HYDIN: variants seen among roughly 807,000 people sequenced by gnomAD.
The protein encoded by HYDIN is HYDIN axonemal central pair apparatus protein.
HYDIN carries 132 observed loss-of-function variants against 403.9 expected under a neutral mutation model. That is an observed-to-expected ratio of 0.33 (90% confidence interval 0.28 to 0.38). HYDIN has a LOEUF of 0.38. Ranked by LOEUF, HYDIN falls within the 10% of genes least tolerant of loss-of-function variation. The probability of loss-of-function intolerance (pLI) is 1.00; values close to 1 mark genes in which losing one functional copy is unlikely to be tolerated. For missense variants in HYDIN, 2,827 were observed against 5,009.5 expected, an observed-to-expected ratio of 0.56 and a Z score of 13.15; for synonymous variants, 1,202 against 1,891.7, an observed-to-expected ratio of 0.64 and a Z score of 9.46.
At chr16:70,853,892 CTTTT>C (rs140632293) in intron 73 of HYDIN, among the ~76,000 whole-genome samples, 4 of 120,942 alleles carry the variant, frequency 3.3e-5, no homozygotes, top group Non-Finnish European at 3.3e-5. Context: ...TTCTTTCTTT[CTTTT>C]TTTTTTTTTT....
At chr16:70,951,640 T>C (rs989382463) in intron 41 of HYDIN, among the ~76,000 whole-genome samples, 8 of 152,150 alleles carry the variant, frequency 5.3e-5, no homozygotes, top group Admixed American at 6.6e-5. Context: ...CTGCCCTTCT[T>C]ACTACCTCCC....
At chr16:71,064,499 C>T (rs145763712) in intron 16 of HYDIN, among the ~76,000 whole-genome samples, 2 of 152,252 alleles carry the variant, frequency 1.3e-5, no homozygotes, top group South Asian at 2.1e-4. Flanking sequence ...AAATTAACAA[C>T]GATTTACACC....
chr16:71,158,523 C>T (rs1446576430), intron 6 of HYDIN, among the ~76,000 whole-genome samples: 1 of 149,216 alleles, frequency 6.7e-6, no homozygotes, highest in Non-Finnish European at 1.5e-5. Flanking sequence ...TTTTCAAATT[C>T]AGCCAAACAG....
intron 50 of HYDIN, among the ~76,000 whole-genome samples, chr16:70,904,519 T>TTTTTTTGG (rs2076478650): frequency 1.9e-5 from 1 of 52,732 alleles, no homozygotes; most frequent in African/African-American, 9.4e-5. Flanking sequence ...TTTTTTTTTT[T>TTTTTTTGG]GAGGGAGTTT....
intron 2 of HYDIN, among the ~76,000 whole-genome samples, chr16:71,185,381 TTGAAA>T (rs1156774785): frequency 6.6e-6 from 1 of 152,162 alleles, no homozygotes; most frequent in Non-Finnish European, 1.5e-5. Context: ...AACCAGGAGT[TTGAAA>T]TACCTCTATT....
intron 18 of HYDIN, among the ~76,000 whole-genome samples, chr16:71,039,431 C>A (rs1173857602): frequency 6.6e-6 from 1 of 152,134 alleles, no homozygotes; most frequent in Non-Finnish European, 1.5e-5. Flanking sequence ...CCTGGCGAAA[C>A]CCTACCTTTA....
chr16:71,145,405 C>T (rs1420752523), intron 7 of HYDIN, among the ~76,000 whole-genome samples: 1 of 152,168 alleles, frequency 6.6e-6, no homozygotes. Flanking sequence ...CAGGCACACG[C>T]CATCACACCC....
At chr16:70,925,467 G>A (rs1263334907) in intron 45 of HYDIN, among the ~76,000 whole-genome samples, 5 of 152,198 alleles carry the variant, frequency 3.3e-5, no homozygotes, top group Admixed American at 6.5e-5. Flanking sequence ...ATTCAAGATG[G>A]ATTAAAGACT....
chr16:70,983,720 T>A (rs2079104583), intron 28 of HYDIN, among the ~76,000 whole-genome samples: 1 of 144,416 alleles, frequency 6.9e-6, no homozygotes, highest in Non-Finnish European at 1.5e-5. Flanking sequence ...TATTATCTGA[T>A]CGTGATTCAA....
chr16:71,059,637 A>G (rs1232303836), intron 18 of HYDIN, among the ~76,000 whole-genome samples: 2 of 152,130 alleles, frequency 1.3e-5, no homozygotes, highest in Non-Finnish European at 2.9e-5. Context: ...TTGAGGGTGA[A>G]GGATGGGAGG....
At chr16:70,848,434 AAAT>A (rs1264421539) in intron 75 of HYDIN, among the ~76,000 whole-genome samples, 1 of 151,848 alleles carries the variant, frequency 6.6e-6, no homozygotes, top group African/African-American at 2.4e-5. Flanking sequence ...TGGAGATTTA[AAAT>A]AATAAATGTG....
chr16:71,078,651 C>T (rs1205374893), intron 13 of HYDIN, among the ~76,000 whole-genome samples: 1 of 152,082 alleles, frequency 6.6e-6, no homozygotes, highest in Non-Finnish European at 1.5e-5. Flanking sequence ...GCGACAGGTA[C>T]GTACCACTAC....
intron 23 of HYDIN, among the ~76,000 whole-genome samples, chr16:71,010,435 T>C (rs1333882997): frequency 4.6e-5 from 7 of 152,056 alleles, no homozygotes; most frequent in East Asian, 1.9e-4. Context: ...CTCAGACTGA[T>C]TGTGGGAGAA....
chr16:71,148,551 C>T (rs1462433697), intron 7 of HYDIN, among the ~76,000 whole-genome samples: 4 of 152,132 alleles, frequency 2.6e-5, no homozygotes, highest in Non-Finnish European at 2.9e-5. Context: ...CAAAACTTAA[C>T]TGTAGTTTAA....
rs549408987 is a variant in HYDIN, at chr16:70,959,924, T to G, written c.5969-104A>C. 4.6e-4 allele frequency: 264 copies of G among 576,334 alleles called. 4 individuals carry two copies. In the South Asian group the frequency reaches 6.0e-3, roughly 13 times the overall value. 35.7% of individuals were successfully genotyped at this position (576,334 alleles called of 1,614,324 possible). On this transcript the variant is annotated intron_variant, in intron 38 of 85. Coordinates refer to ENST00000393567, the MANE Select transcript of HYDIN (RefSeq NM_001270974.2). ...ATGGGAATGGATATTTCTTTTTAAATGCTGTTTTTTTTAAATGGCAAATAT... is the reference window on the plus strand; with the variant it reads ...ATGGGAATGGATATTTCTTTTTAAAGGCTGTTTTTTTTAAATGGCAAATAT...
chr16:71,007,963 G>A lies in HYDIN; in HGVS notation c.3644+10166C>T, dbSNP rs2144091376. The stretch of plus-strand genomic sequence containing the variant: ...AAAATGTGGTACATAAACACCATGA[G>A]TACTATGCAGCCATAAATCATACAG... On this transcript the variant is annotated intron_variant, in intron 23 of 85. Transcript: ENST00000393567. Among the ~76,000 whole-genome samples, 3 of 149,480 alleles carry A rather than the reference G, an allele frequency of 2.0e-5. 1 individual carries two copies. The highest frequency in any genetic ancestry group is 7.4e-5 in the African/African-American group (3 of 40,332).
At chr16:70,841,876 T>C (rs2037851195) in intron 75 of HYDIN, among the ~76,000 whole-genome samples, 1 of 150,184 alleles carries the variant, frequency 6.7e-6, no homozygotes, top group Admixed American at 6.6e-5. Context: ...AACATTTCTA[T>C]TCATTATAAA....
At chr16:70,909,796 C>T (rs1259804436) in intron 47 of HYDIN, among the ~76,000 whole-genome samples, 3 of 150,586 alleles carry the variant, frequency 2.0e-5, no homozygotes, top group East Asian at 2.0e-4. Context: ...CCTGGGTTCA[C>T]GCCATTTTCC....
rs898848393 is a variant in HYDIN at position 70,991,993 on chromosome 16, G to A, written c.3785+77C>T. The A allele has an allele frequency of 5.0e-6, 8 of 1,600,992 alleles. No individual in the cohort carries two copies. The Admixed American group carries it at 1.4e-4, about 27-fold the overall frequency. ...GTACTGGATGAATGAACCAATGAGG[G>A]ATGAGTATTGAGAATGTAAGTCCGT... On this transcript the variant is annotated intron_variant, in intron 24 of 85. Transcript: ENST00000393567.
Sources: gnomAD v4.1 joint callset for allele counts (sites outside exome capture counted in the v4.1 genomes callset) on GRCh38, gnomAD v4.1.1 for gene constraint, MANE v1.5 for transcripts, NCBI Gene and HGNC (gene_info 2026-07-23, HGNC 2026-07-21) for gene names.